Variants in LGALS16 observed in about 807,000 individuals in gnomAD.
LGALS16 encodes the protein galectin-16.
LGALS16 carries 15 observed loss-of-function variants against 13.2 expected under a neutral mutation model. That is an observed-to-expected ratio of 1.13 (90% CI 0.76 to 1.75). The LOEUF (loss-of-function observed/expected upper bound fraction) is 1.75, where lower values mean the gene tolerates loss of function less well. LGALS16 is among the 40% of genes most tolerant of loss of function. The pLI is 0.00. For missense variants in LGALS16, 198 were observed against 178.4 expected, an observed-to-expected ratio of 1.11 and a Z score of -0.63; for synonymous variants, 66 against 65.4, an observed-to-expected ratio of 1.01 and a Z score of -0.05.
At position 39,658,587 on chromosome 19, in the gene LGALS16, T is replaced by C. The variant is rs751044406; in HGVS notation, c.220T>C (p.Leu74=). 9.3e-6 allele frequency: 15 copies of C among 1,608,140 alleles called. No homozygotes were observed. The highest frequency in any genetic ancestry group is 1.3e-5 in the Non-Finnish European group (15 of 1,178,962). ...CAGTCGTGAGTTTGGGATATGGATG[T>C]TGGAGGAGAATTTACACTATGTGCC... is the stretch of plus-strand genomic sequence containing the variant. ...MNSREFGIWM[L]EENLHYVPFE... The change falls in exon 3 of 4, where the codon TTG becomes CTG. Residue 74 remains leucine (L), a synonymous_variant. Transcript: ENST00000392051.
chr19:39,656,574 C>T (rs181913254), intron 1 of LGALS16, among the ~76,000 whole-genome samples: 14 of 152,256 alleles, frequency 9.2e-5, no homozygotes, highest in Non-Finnish European at 1.3e-4. Context: ...TCCCAGGTGG[C>T]TTAACTGGTA....
chr19:39,657,378 C>T (rs1221134153), intron 1 of LGALS16, among the ~76,000 whole-genome samples: 1 of 152,164 alleles, frequency 6.6e-6, no homozygotes, highest in East Asian at 1.9e-4. Context: ...GCTGTGCTGT[C>T]AGTAATGTGT....
At chr19:39,659,242 G>T (rs1281598905) in intron 3 of LGALS16, among the ~76,000 whole-genome samples, 1 of 151,928 alleles carries the variant, frequency 6.6e-6, no homozygotes, top group Non-Finnish European at 1.5e-5. Flanking sequence ...TGGGATTACA[G>T]GCTGATTTTT....
chr19:39,658,755 C>A, intron 3 of LGALS16, 85 bp downstream of exon 3: 1 of 829,670 alleles, frequency 1.2e-6, no homozygotes, highest in Non-Finnish European at 2.0e-6. Context: ...CCTCACCAGT[C>A]CCTCAGGGCC....
intron 3 of LGALS16, among the ~76,000 whole-genome samples, chr19:39,660,076 G>A (rs925032676): frequency 2.0e-5 from 3 of 152,182 alleles, no homozygotes; most frequent in Non-Finnish European, 4.4e-5. Flanking sequence ...GGTCCTGTGC[G>A]AGATGCAGGG....
At chr19:39,658,029 T>G in intron 2 of LGALS16, 70 bp downstream of exon 2, 1 of 1,565,508 alleles carries the variant, frequency 6.4e-7, no homozygotes, top group Non-Finnish European at 8.8e-7. Context: ...TTTGACCTTA[T>G]GTGTGGGTGA....
chr19:39,658,385 G>A (rs1347850235), intron 2 of LGALS16, 75 bp from the exon 3 acceptor site: 5 of 1,239,326 alleles, frequency 4.0e-6, no homozygotes, highest in Non-Finnish European at 5.7e-6. Flanking sequence ...ATGGGGGAAG[G>A]GATTTGTGTG....
intron 1 of LGALS16, among the ~76,000 whole-genome samples, chr19:39,657,499 C>A (rs377579607): frequency 6.6e-6 from 1 of 152,070 alleles, no homozygotes; most frequent in Non-Finnish European, 1.5e-5. Flanking sequence ...CCCTAACAGG[C>A]CCTACACATG....
rs1973250354 is a variant in LGALS16, at chr19:39,660,586, C to G, written c.*66C>G. ...CCATGGGATTCCTAGAGCCTGCTAACAGAATAATCCCTCCTCAACCCCTTC... is the reference window on the plus strand; with the variant it reads ...CCATGGGATTCCTAGAGCCTGCTAAGAGAATAATCCCTCCTCAACCCCTTC... On this transcript the variant is annotated 3_prime_UTR_variant, in exon 4 of 4. Transcript: ENST00000392051. The G allele has an allele frequency of 7.3e-7, 1 of 1,367,470 alleles. No individual in the cohort carries two copies. The highest frequency in any genetic ancestry group is 2.0e-5 in the Admixed American group (1 of 50,452). 84.7% of individuals were successfully genotyped at this position (1,367,470 alleles called of 1,614,324 possible). A position where few individuals can be genotyped will look rare whatever the true frequency, so the allele number is the denominator to read the frequency against.
At chr19:39,658,715 C>CAA in intron 3 of LGALS16, 45 bp downstream of exon 3, 1 of 1,288,662 alleles carries the variant, frequency 7.8e-7, no homozygotes, top group Non-Finnish European at 1.1e-6. Flanking sequence ...TTTGGGATCC[C>CAA]AGAGCAGGAG....
chr19:39,657,490 C>T (rs1363561537), intron 1 of LGALS16, among the ~76,000 whole-genome samples: 1 of 151,968 alleles, frequency 6.6e-6, no homozygotes, highest in Non-Finnish European at 1.5e-5. Context: ...TTAGGTCACC[C>T]CTAACAGGCC....
chr19:39,658,152 C>T (rs1568484274), intron 2 of LGALS16, among the ~76,000 whole-genome samples, 193 bp downstream of exon 2: 1 of 152,180 alleles, frequency 6.6e-6, no homozygotes, highest in South Asian at 2.1e-4. Context: ...GCCATGGGGC[C>T]TAGGGGAGGA....
intron 1 of LGALS16, 113 bp downstream of exon 1, chr19:39,656,089 A>C (rs1973191651): frequency 8.9e-7 from 1 of 1,123,144 alleles, no homozygotes; most frequent in African/African-American, 1.5e-5. Context: ...TGCTTTACTG[A>C]GAGTTGTGGG....
intron 1 of LGALS16, among the ~76,000 whole-genome samples, chr19:39,656,863 G>A (rs1159440666): frequency 5.3e-5 from 8 of 151,928 alleles, no homozygotes; most frequent in Admixed American, 3.3e-4. Context: ...ACTGAATCAC[G>A]TAAAATATCC....
rs1024890711 is a variant in LGALS16 at position 39,660,027 on chromosome 19, G to A, written c.304-368G>A. On this transcript the variant is annotated intron_variant, in intron 3 of 3. Transcript: ENST00000392051. Reference sequence around the variant, plus strand: ...CACAGTTCATGGAACTGAAAAGTATGCATTTCAGTGAACATGGTCTCGCAC... The same window carrying A: ...CACAGTTCATGGAACTGAAAAGTATACATTTCAGTGAACATGGTCTCGCAC... 1.1e-4 allele frequency among the ~76,000 whole-genome samples: 17 copies of A among 152,174 alleles called. 1 individual carries two copies. The highest frequency in any genetic ancestry group is 2.2e-4 in the Non-Finnish European group (15 of 68,020).
chr19:39,659,358 G>A (rs1013092611), intron 3 of LGALS16, among the ~76,000 whole-genome samples: 6 of 152,118 alleles, frequency 3.9e-5, no homozygotes, highest in Non-Finnish European at 5.9e-5. Flanking sequence ...TGGATTACAC[G>A]CATATGCCAC....
At chr19:39,660,277 C>A in intron 3 of LGALS16, 118 bp from the exon 4 acceptor site, 1 of 948,538 alleles carries the variant, frequency 1.1e-6, no homozygotes, top group East Asian at 2.7e-5. Context: ...CTACAACATT[C>A]GCTTGTATAA....
Position 39,660,410 on chromosome 19 carries a change from G to C in LGALS16, c.319G>C (p.Glu107Gln). The C allele has an allele frequency of 3.9e-6, 6 of 1,540,542 alleles. No homozygotes were observed. Among genetic ancestry groups the C allele is most frequent in the Non-Finnish European group, 5.2e-6 (6 of 1,147,636 alleles). Residue 107 changes from glutamate (E) to glutamine (Q), a missense_variant, in exon 4 of 4, where the codon GAA becomes CAA. Transcript: ENST00000392051. ...CCTCTTAAAGGTAAAGGTAAATGGT[G>C]AATACATTTATGCCTTTGTCCATCG... ...HNEYEVKVNG[E>Q]YIYAFVHRIP...
chr19:39,657,735 T>C (rs188453070), intron 1 of LGALS16, 148 bp from the exon 2 acceptor site: 2 of 850,728 alleles, frequency 2.4e-6, no homozygotes, highest in African/African-American at 1.7e-5. Context: ...CCTTCAGGAA[T>C]GTGGGGCCCT....
Sources: gnomAD v4.1 joint callset for allele counts (sites outside exome capture counted in the v4.1 genomes callset) on GRCh38, gnomAD v4.1.1 for gene constraint, MANE v1.5 for transcripts, NCBI Gene and HGNC (gene_info 2026-07-23, HGNC 2026-07-21) for gene names.